Variants in SWT1 observed in about 807,000 individuals in gnomAD.
The protein encoded by SWT1 is SWT1 RNA endoribonuclease homolog.
A neutral mutation model predicts 107.3 loss-of-function variants in SWT1; 33 were observed. The observed-to-expected ratio is 0.31, with a 90% CI of 0.23 to 0.41. SWT1 has a LOEUF of 0.41. Ranked by LOEUF, SWT1 falls within the 10% of genes least tolerant of loss-of-function variation. The pLI, the probability that SWT1 is intolerant of heterozygous loss-of-function variation, is 1.00. For synonymous variants in SWT1, 345 were observed against 348.3 expected, an observed-to-expected ratio of 0.99 and a Z score of 0.11; for missense variants, 898 against 1,028.9, an observed-to-expected ratio of 0.87 and a Z score of 1.74.
At chr1:185,283,080 A>C (rs1020767395) in intron 18 of SWT1, among the ~76,000 whole-genome samples, 1 of 152,164 alleles carries the variant, frequency 6.6e-6, no homozygotes, top group Non-Finnish European at 1.5e-5. Context: ...GAAAGTCCCA[A>C]ACAGGAGCCT....
At chr1:185,177,412 T>A (rs551028920) in intron 5 of SWT1, among the ~76,000 whole-genome samples, 29 of 152,358 alleles carry the variant, frequency 1.9e-4, no homozygotes, top group African/African-American at 6.3e-4. Flanking sequence ...GAATATTAAG[T>A]TGCAGAAGAA....
Position 185,221,722 on chromosome 1 carries a change from A to G in SWT1, c.2122-127A>G, listed in dbSNP as rs1444337522. On this transcript the variant is annotated intron_variant, in intron 14 of 18. Coordinates refer to ENST00000367500, the MANE Select transcript of SWT1 (RefSeq NM_017673.7). Reference sequence around the variant, plus strand: ...GCTTTTCTGGGAATATTATGTACATAATAAAAGAAAAAGAATTGCCACCAC... The same window carrying G: ...GCTTTTCTGGGAATATTATGTACATGATAAAAGAAAAAGAATTGCCACCAC... 2.1e-5 allele frequency: 13 copies of G among 609,912 alleles called. No homozygotes were observed. In the South Asian group the frequency reaches 2.9e-4, roughly 14 times the overall value. The allele number at this position is 609,912 out of a possible 1,614,324, so 37.8% of individuals were successfully genotyped here. A position where few individuals can be genotyped will look rare whatever the true frequency, so the allele number is the denominator to read the frequency against.
At chr1:185,195,103 C>T (rs1206300773) in intron 10 of SWT1, among the ~76,000 whole-genome samples, 2 of 152,092 alleles carry the variant, frequency 1.3e-5, no homozygotes, top group Non-Finnish European at 2.9e-5. Flanking sequence ...CACCCATCAA[C>T]CTGTCATCTG....
chr1:185,195,112 T>A (rs1307826572), intron 10 of SWT1, among the ~76,000 whole-genome samples: 1 of 152,192 alleles, frequency 6.6e-6, no homozygotes, highest in Non-Finnish European at 1.5e-5. Flanking sequence ...ACCTGTCATC[T>A]GCATTAAGTA....
chr1:185,260,321 G>C (rs1238245921), intron 16 of SWT1, among the ~76,000 whole-genome samples: 1 of 152,150 alleles, frequency 6.6e-6, no homozygotes, highest in Non-Finnish European at 1.5e-5. Flanking sequence ...GAGTACTCAT[G>C]CTTTTCTTTT....
At chr1:185,255,187 G>A (rs1263081727) in intron 16 of SWT1, among the ~76,000 whole-genome samples, 4 of 152,094 alleles carry the variant, frequency 2.6e-5, no homozygotes, top group Admixed American at 2.0e-4. Context: ...GTTGAGGAGA[G>A]CTTTACTTCC....
rs553604664 is a variant in SWT1, at chr1:185,175,149, C to G, written c.966+36C>G. ...AAAAAATGAAGAATATAGGTTTTAA[C>G]TGAGAGTTTATTAATATAGTTAAGT... On this transcript the variant is annotated intron_variant, in intron 5 of 18. Coordinates refer to ENST00000367500, the MANE Select transcript of SWT1 (RefSeq NM_017673.7). The G allele has an allele frequency of 1.2e-4, 172 of 1,389,734 alleles. No individual in the cohort carries two copies. The East Asian group carries it at 3.8e-3, about 31-fold the overall frequency. The allele number at this position is 1,389,734 out of a possible 1,614,324, so 86.1% of individuals were successfully genotyped here.
intron 17 of SWT1, among the ~76,000 whole-genome samples, chr1:185,274,170 T>C (rs2102744020): frequency 6.6e-6 from 1 of 151,460 alleles, no homozygotes; most frequent in East Asian, 1.9e-4. Context: ...TGATATCTTG[T>C]GATATAAAGA....
At chr1:185,208,842 C>T (rs941294436) in intron 13 of SWT1, among the ~76,000 whole-genome samples, 1 of 150,650 alleles carries the variant, frequency 6.6e-6, no homozygotes, top group Non-Finnish European at 1.5e-5. Context: ...CACAAGTGCA[C>T]CTGAAGAGGA....
intron 9 of SWT1, among the ~76,000 whole-genome samples, chr1:185,185,301 C>T (rs182257080): frequency 2.6e-5 from 4 of 152,110 alleles, no homozygotes; most frequent in African/African-American, 4.8e-5. Flanking sequence ...ACTGTGGAGA[C>T]GATGTTGCTT....
intron 18 of SWT1, among the ~76,000 whole-genome samples, chr1:185,288,248 TTTA>T (rs1665058476): frequency 6.6e-6 from 1 of 152,114 alleles, no homozygotes; most frequent in Non-Finnish European, 1.5e-5. Context: ...TTAAATTTTT[TTTA>T]TTATTATTTT....
chr1:185,164,242 A>G (rs2102302942), intron 2 of SWT1, among the ~76,000 whole-genome samples: 1 of 152,204 alleles, frequency 6.6e-6, no homozygotes. Context: ...CATGCTGTAA[A>G]CACATGTGCT....
intron 5 of SWT1, chr1:185,176,776 A>T (rs1655596479): frequency 1.5e-6 from 1 of 671,860 alleles, no homozygotes; most frequent in Non-Finnish European, 1.8e-6. Context: ...CGAGGTCAGG[A>T]GATCGAGACC....
intron 16 of SWT1, chr1:185,264,554 C>G: frequency 1.6e-6 from 1 of 618,222 alleles, no homozygotes; most frequent in Non-Finnish European, 2.0e-6. Flanking sequence ...TATGTTAACT[C>G]ATTTAATCAT....
At position 185,184,336 on chromosome 1, in the gene SWT1, A is replaced by G; in HGVS notation, c.1232A>G (p.Glu411Gly). 2 of 1,502,460 alleles carry G rather than the reference A, an allele frequency of 1.3e-6. No homozygotes were observed. Among genetic ancestry groups the G allele is most frequent in the Non-Finnish European group, 1.8e-6 (2 of 1,090,428 alleles). The allele number at this position is 1,502,460 out of a possible 1,614,324, so 93.1% of individuals were successfully genotyped here. A position where few individuals can be genotyped will look rare whatever the true frequency, so the allele number is the denominator to read the frequency against. ...TTTGTTAGAATTTTGAAGACAACAG[A>G]AGTACCAGGTATTTACAGAACATAT... ...LKFVRILKTT[E>G]VPGFDKLVLI... The change falls in exon 8 of 19, where the codon GAA (glutamate) becomes GGA (glycine). Residue 411 changes from glutamate to glycine, a missense_variant. Around this residue, in one of 6 missense-constraint regions of SWT1, gnomAD observed 94 missense variants for 114.5 expected, o/e 0.82. Coordinates refer to ENST00000367500, the MANE Select transcript of SWT1 (RefSeq NM_017673.7).
intron 16 of SWT1, among the ~76,000 whole-genome samples, chr1:185,265,541 C>T (rs2102708318): frequency 6.6e-6 from 1 of 152,268 alleles, no homozygotes; most frequent in African/African-American, 2.4e-5. Flanking sequence ...ATCGTTCAGA[C>T]ATGTCACTGT....
At chr1:185,193,952 A>T (rs947337472) in intron 10 of SWT1, among the ~76,000 whole-genome samples, 2 of 152,242 alleles carry the variant, frequency 1.3e-5, no homozygotes, top group African/African-American at 4.8e-5. Context: ...AGGCAAAAAG[A>T]TAGAAACTTG....
chr1:185,276,897 T>G (rs989001011), intron 18 of SWT1, among the ~76,000 whole-genome samples: 2 of 152,188 alleles, frequency 1.3e-5, no homozygotes, highest in Non-Finnish European at 2.9e-5. Flanking sequence ...CCTCAAGACT[T>G]TGTTACATTT....
chr1:185,218,011 A>G (rs1390645908), intron 14 of SWT1, among the ~76,000 whole-genome samples: 3 of 152,240 alleles, frequency 2.0e-5, no homozygotes, highest in Admixed American at 2.0e-4. Context: ...TGGAAAAATT[A>G]TCTTCCACAA....
Sources: allele counts gnomAD v4.1 joint callset (sites outside exome capture counted in the v4.1 genomes callset), GRCh38; gene constraint gnomAD v4.1.1; regional missense constraint gnomAD v4.1.1; transcripts MANE v1.5; gene names NCBI Gene and HGNC (gene_info 2026-07-23, HGNC 2026-07-21).